RBFOX1: variants seen among roughly 807,000 people sequenced by gnomAD.
RBFOX1 encodes the protein RNA binding fox-1 homolog 1, also known as RNA binding protein fox-1 homolog 1.
In RBFOX1, 8 loss-of-function variants were observed where a neutral mutation model predicts 57.7. The observed-to-expected ratio is 0.14, with a 90% CI of 0.08 to 0.25. The LOEUF is 0.25. Among genes scored for constraint, RBFOX1 ranks in the 10% least tolerant of loss-of-function variants. The probability of loss-of-function intolerance (pLI) is 1.00; values close to 1 mark genes in which losing one functional copy is unlikely to be tolerated. For missense variants in RBFOX1, 611 were observed against 548.5 expected, an observed-to-expected ratio of 1.11 and a Z score of -1.14; for synonymous variants, 326 against 222.4, an observed-to-expected ratio of 1.47 and a Z score of -4.15.
Position 5,301,638 on chromosome 16 carries a change from A to AAAC in RBFOX1, c.219+61533_219+61534insAAC, listed in dbSNP as rs1555484648. ...CATCTCAAAAAAAAAAAAAAAAAAAACACACAAAAACAAAAAACTGAGCTT... is the reference window on the plus strand; with the variant it reads ...CATCTCAAAAAAAAAAAAAAAAAAAAAACCACACAAAAACAAAAAACTGAGCTT... On this transcript the variant is annotated intron_variant, in intron 1 of 2. Transcript: ENST00000585867. Among the ~76,000 whole-genome samples the AAAC allele has an allele frequency of 6.8e-5, 10 of 146,460 alleles. No individual in the cohort carries two copies. In the South Asian group the frequency reaches 1.5e-3, roughly 22 times the overall value.
intron 4 of RBFOX1, among the ~76,000 whole-genome samples, chr16:7,382,814 T>TA (rs2097801704): frequency 6.6e-6 from 1 of 152,258 alleles, no homozygotes; most frequent in African/African-American, 2.4e-5. Flanking sequence ...GAATAATGCC[T>TA]AAGTACCACT....
At chr16:5,447,075 A>G (rs2068264418) in intron 1 of RBFOX1, among the ~76,000 whole-genome samples, 1 of 152,202 alleles carries the variant, frequency 6.6e-6, no homozygotes, top group South Asian at 2.1e-4. Flanking sequence ...ATCACGATCA[A>G]CAAAAGAGGT....
At chr16:5,532,439 C>G (rs1196809634) in intron 2 of RBFOX1, among the ~76,000 whole-genome samples, 5 of 152,208 alleles carry the variant, frequency 3.3e-5, no homozygotes, top group Admixed American at 2.0e-4. Flanking sequence ...CTGACCCGGA[C>G]TCACTGATCT....
chr16:7,692,050 T>C (rs1008621184), intron 14 of RBFOX1, among the ~76,000 whole-genome samples: 3 of 152,050 alleles, frequency 2.0e-5, no homozygotes, highest in African/African-American at 7.2e-5. Context: ...ATCTCCTTTG[T>C]TTTCAGGGAT....
At chr16:5,682,527 C>A (rs770454235) in intron 3 of RBFOX1, among the ~76,000 whole-genome samples, 59 of 152,250 alleles carry the variant, frequency 3.9e-4, no homozygotes, top group Non-Finnish European at 7.5e-4. Flanking sequence ...ATTTGTTAAT[C>A]CCTGGTTTGT....
At chr16:6,008,040 C>A (rs887524611) in intron 4 of RBFOX1, among the ~76,000 whole-genome samples, 2 of 152,064 alleles carry the variant, frequency 1.3e-5, no homozygotes, top group African/African-American at 2.4e-5. Flanking sequence ...CTCATCTCTA[C>A]TGAAAACACA....
At chr16:5,276,062 G>C (rs922482583) in intron 1 of RBFOX1, among the ~76,000 whole-genome samples, 1 of 152,096 alleles carries the variant, frequency 6.6e-6, no homozygotes, top group Admixed American at 6.5e-5. Context: ...TTAAATCTAA[G>C]GTCTGAAACC....
At chr16:5,829,033 G>C (rs1166667624) in intron 3 of RBFOX1, among the ~76,000 whole-genome samples, 1 of 152,166 alleles carries the variant, frequency 6.6e-6, no homozygotes, top group African/African-American at 2.4e-5. Context: ...ACCTGGCCAA[G>C]GAAGGATCTG....
chr16:5,622,738 G>A (rs1024637454), intron 3 of RBFOX1, among the ~76,000 whole-genome samples: 3 of 152,206 alleles, frequency 2.0e-5, no homozygotes, highest in Admixed American at 6.5e-5. Context: ...AAGGGAGACT[G>A]TGTGGCCCTC....
At chr16:7,335,144 G>T (rs1324407469) in intron 4 of RBFOX1, among the ~76,000 whole-genome samples, 1 of 152,192 alleles carries the variant, frequency 6.6e-6, no homozygotes, top group Non-Finnish European at 1.5e-5. Context: ...GCAGTGCAAA[G>T]GGAGAAAAAA....
chr16:5,543,748 C>T (rs1424265701), intron 2 of RBFOX1, among the ~76,000 whole-genome samples: 1 of 152,010 alleles, frequency 6.6e-6, no homozygotes, highest in Non-Finnish European at 1.5e-5. Context: ...ATCAAGTGTT[C>T]AAGCTTAGTG....
At chr16:6,387,692 T>C (rs1218512279) in intron 2 of RBFOX1, among the ~76,000 whole-genome samples, 4 of 152,270 alleles carry the variant, frequency 2.6e-5, no homozygotes, top group African/African-American at 9.6e-5. Context: ...TTCTCTTTTC[T>C]TTTTTATTTG....
intron 2 of RBFOX1, among the ~76,000 whole-genome samples, chr16:6,634,055 T>C (rs768597852): frequency 2.6e-5 from 4 of 151,308 alleles, no homozygotes; most frequent in South Asian, 2.1e-4. Flanking sequence ...GCATTTCTTA[T>C]TGAATAAACC....
chr16:5,665,142 G>T (rs1000557362), intron 3 of RBFOX1, among the ~76,000 whole-genome samples: 2 of 92,204 alleles, frequency 2.2e-5, no homozygotes, highest in Admixed American at 1.0e-4. Flanking sequence ...GGGGGGGGGC[G>T]GTCTTGCTAT....
intron 3 of RBFOX1, among the ~76,000 whole-genome samples, chr16:5,719,612 C>G (rs1015026008): frequency 1.6e-4 from 24 of 152,116 alleles, no homozygotes; most frequent in Admixed American, 1.4e-3. Context: ...AATTTTCTGT[C>G]TCTATGGACT....
intron 3 of RBFOX1, among the ~76,000 whole-genome samples, chr16:6,820,335 T>G (rs2091047516): frequency 6.6e-6 from 1 of 152,180 alleles, no homozygotes; most frequent in Non-Finnish European, 1.5e-5. Context: ...AATAATCTTT[T>G]GATTCCCTAA....
At chr16:5,813,863 T>G (rs1469950432) in intron 3 of RBFOX1, among the ~76,000 whole-genome samples, 1 of 152,202 alleles carries the variant, frequency 6.6e-6, no homozygotes, top group Admixed American at 6.6e-5. Context: ...TATATAGAAT[T>G]AAACATCTTC....
chr16:5,714,308 C>T (rs1252366590), intron 3 of RBFOX1, among the ~76,000 whole-genome samples: 1 of 152,196 alleles, frequency 6.6e-6, no homozygotes, highest in African/African-American at 2.4e-5. Context: ...TGAGCTCAGA[C>T]CTCAAGAGGC....
chr16:6,090,286 C>T (rs1225817426), intron 1 of RBFOX1: 1 of 152,118 alleles, frequency 6.6e-6, no homozygotes, highest in Admixed American at 6.6e-5. Flanking sequence ...AACTTTAATT[C>T]CACCTATTCC....
Sources: allele counts gnomAD v4.1 joint callset (sites outside exome capture counted in the v4.1 genomes callset), GRCh38; gene constraint gnomAD v4.1.1; transcripts MANE v1.5; gene names NCBI Gene and HGNC (gene_info 2026-07-23, HGNC 2026-07-21).